The following CPPED1 variants were observed in gnomAD, a reference collection of about 807,000 sequenced individuals.
CPPED1 encodes the protein calcineurin like phosphoesterase domain containing 1.
Under a neutral mutation model 28.0 loss-of-function variants are expected in CPPED1, and 28 were observed. The ratio of observed to expected loss-of-function variants is 1.00; its 90% CI spans 0.74 to 1.37. CPPED1 has a LOEUF of 1.37. CPPED1 is among the 40% of genes most tolerant of loss of function. CPPED1 has a pLI of 0.00. For synonymous variants in CPPED1, 198 were observed against 180.2 expected (o/e 1.10, Z -0.79); for missense variants, 504 against 416.5 (o/e 1.21, Z -1.83).
intron 2 of CPPED1, among the ~76,000 whole-genome samples, chr16:12,765,443 G>C (rs1174636962): frequency 6.6e-6 from 1 of 152,180 alleles, no homozygotes; most frequent in Non-Finnish European, 1.5e-5. Flanking sequence ...ATTAATAAAA[G>C]AGATTTAACT....
chr16:12,681,724 G>A (rs1386442987), intron 3 of CPPED1, among the ~76,000 whole-genome samples: 2 of 152,184 alleles, frequency 1.3e-5, no homozygotes, highest in East Asian at 3.9e-4. Flanking sequence ...GATGGAAGAG[G>A]TTCAGTGGTC....
chr16:12,681,936 C>T (rs573697186), intron 3 of CPPED1, among the ~76,000 whole-genome samples: 45 of 152,170 alleles, frequency 3.0e-4, no homozygotes, highest in Admixed American at 1.8e-3. Flanking sequence ...TGGCTGCCCA[C>T]TTGAGTCCAC....
At chr16:12,692,328 G>A (rs9925794) in intron 3 of CPPED1, among the ~76,000 whole-genome samples, 22,225 of 152,116 alleles carry the variant, frequency 0.15, 1,816 homozygotes, top group Middle Eastern at 0.21. Context: ...TCCCACTCTG[G>A]CAACACTCGG....
At chr16:12,678,167 G>C (rs2079887303) in intron 3 of CPPED1, among the ~76,000 whole-genome samples, 1 of 152,186 alleles carries the variant, frequency 6.6e-6, no homozygotes. Flanking sequence ...AAAGGAAAGA[G>C]TAATTTGTAG....
chr16:12,664,019 T>C lies in CPPED1; in HGVS notation c.*867A>G, dbSNP rs1289297798. The C allele has an allele frequency of 6.6e-6, 1 of 152,156 alleles. No homozygotes were observed. Among genetic ancestry groups the C allele is most frequent in the African/African-American group, 2.4e-5 (1 of 41,424 alleles). The allele number at this position is 152,156 out of a possible 1,614,324, so 9.4% of individuals were successfully genotyped here. On this transcript the variant is annotated 3_prime_UTR_variant, in exon 4 of 4. Transcript: ENST00000381774. This position sits in a 1 kb window ranked among gnomAD's most constrained non-coding sequence, Gnocchi z 4.2. ...TTTCTTTTGAGAGCTCTGCATACAT[T>C]CCCACTTTTCCTGTCAAAGTGGACA...
chr16:12,705,135 TAA>T (rs2080043149), intron 2 of CPPED1, 86 bp from the exon 3 acceptor site: 1 of 1,366,440 alleles, frequency 7.3e-7, no homozygotes, highest in African/African-American at 1.5e-5. Context: ...ACATAAAATT[TAA>T]AAAAAGAGTA....
chr16:12,704,768 T>A lies in CPPED1; in HGVS notation c.571A>T (p.Ile191Phe). The change falls in exon 3 of 4, where the codon ATC (isoleucine) becomes TTC (phenylalanine). Residue 191 changes from isoleucine (I) to phenylalanine (F), a missense_variant. Physicochemically the swap from Ile to Phe is conservative, Grantham distance 21 (BLOSUM62 0). Coordinates refer to ENST00000381774, the MANE Select transcript of CPPED1 (RefSeq NM_018340.3). ...TGCTGGCAGTGCCGCTGCCTCGCGA[T>A]GCTCAGCTGCTCGTCCAGCCACTGG... ...QDQWLDEQLS[I>F]ARQRHCQHAI... is the part of the protein sequence containing the mutation. 1 of 1,614,230 alleles carries A rather than the reference T, an allele frequency of 6.2e-7. No individual in the cohort carries two copies. Among genetic ancestry groups the A allele is most frequent in the Non-Finnish European group, 8.5e-7 (1 of 1,180,034 alleles).
intron 2 of CPPED1, among the ~76,000 whole-genome samples, chr16:12,779,881 C>T (rs72780913): frequency 0.013 from 2,018 of 152,254 alleles, 30 homozygotes; most frequent in Non-Finnish European, 0.021. Context: ...GCTGTGTTTT[C>T]TGCAATGGTC....
chr16:12,714,560 G>C (rs1457068067), intron 2 of CPPED1, among the ~76,000 whole-genome samples: 1 of 152,128 alleles, frequency 6.6e-6, no homozygotes, highest in African/African-American at 2.4e-5. Context: ...ATTTGTTGTT[G>C]TGCTTACTGG....
At chr16:12,779,452 G>A (rs540100117) in intron 2 of CPPED1, among the ~76,000 whole-genome samples, 12 of 151,636 alleles carry the variant, frequency 7.9e-5, no homozygotes, top group South Asian at 4.2e-4. Flanking sequence ...GCAGTGGCGC[G>A]ATCTCAGCTC....
At position 12,781,359 on chromosome 16, in the gene CPPED1, C is replaced by T. The variant is rs375846379; in HGVS notation, c.115G>A (p.Ala39Thr). 39 of 1,613,954 alleles carry T rather than the reference C, an allele frequency of 2.4e-5. No homozygotes were observed. Among genetic ancestry groups the T allele is most frequent in the South Asian group, 9.9e-5 (9 of 91,074 alleles). Reference protein sequence around the residue: ...WKGPFYFILGADPQFGLIKAW... With the variant: ...WKGPFYFILGTDPQFGLIKAW... The stretch of plus-strand genomic sequence containing the variant: ...TTGATCAGCCCAAACTGTGGGTCTG[C>T]GCCCAGGATGAAGTAGAATGGGCCT... The change falls in exon 2 of 4, where the codon GCA (alanine) becomes ACA (threonine). Residue 39 changes from alanine to threonine, a missense_variant. Coordinates refer to ENST00000381774, the MANE Select transcript of CPPED1 (RefSeq NM_018340.3).
intron 1 of CPPED1, among the ~76,000 whole-genome samples, chr16:12,787,475 A>G (rs907037910): frequency 4.0e-5 from 6 of 148,198 alleles, no homozygotes; most frequent in Middle Eastern, 3.6e-3. Flanking sequence ...GCGTGGTCTC[A>G]GCTCACTGCA....
intron 2 of CPPED1, among the ~76,000 whole-genome samples, chr16:12,712,186 A>T (rs1364711790): frequency 6.6e-6 from 1 of 152,228 alleles, no homozygotes; most frequent in African/African-American, 2.4e-5. Flanking sequence ...GCCCTTGCAC[A>T]GAAAGGGAAG....
intron 2 of CPPED1, among the ~76,000 whole-genome samples, chr16:12,739,646 A>G (rs1185462067): frequency 6.6e-6 from 1 of 152,172 alleles, no homozygotes; most frequent in Non-Finnish European, 1.5e-5. Flanking sequence ...TGCTACGAGT[A>G]GGCTAACCTC....
intron 2 of CPPED1, among the ~76,000 whole-genome samples, chr16:12,777,842 T>A (rs1475760086): frequency 6.6e-6 from 1 of 151,302 alleles, no homozygotes; most frequent in Admixed American, 6.6e-5. Context: ...TAGATATTTA[T>A]AAGAAAAAGC....
intron 3 of CPPED1, among the ~76,000 whole-genome samples, chr16:12,700,689 G>A (rs1006094469): frequency 8.5e-5 from 13 of 152,192 alleles, no homozygotes; most frequent in Admixed American, 1.3e-4. Flanking sequence ...ACCACACCTG[G>A]CCCAAAGACT....
At chr16:12,702,234 G>A (rs1227400671) in intron 3 of CPPED1, among the ~76,000 whole-genome samples, 1 of 151,950 alleles carries the variant, frequency 6.6e-6, no homozygotes, top group Non-Finnish European at 1.5e-5. Flanking sequence ...TTGGTGGGTG[G>A]TCAACAGGCT....
chr16:12,669,580 G>T (rs1001125459), intron 3 of CPPED1, among the ~76,000 whole-genome samples: 1 of 152,168 alleles, frequency 6.6e-6, no homozygotes, highest in Non-Finnish European at 1.5e-5. Context: ...GATATCAGTG[G>T]TAATTCATGT....
chr16:12,766,993 A>G (rs564229180), intron 2 of CPPED1, among the ~76,000 whole-genome samples: 1 of 132,930 alleles, frequency 7.5e-6, no homozygotes, highest in East Asian at 2.1e-4. Flanking sequence ...ATGGTTGCTC[A>G]GAGGTCCTCA....
Sources: allele counts gnomAD v4.1 joint callset (sites outside exome capture counted in the v4.1 genomes callset), GRCh38; gene constraint gnomAD v4.1.1; non-coding constraint Gnocchi (gnomAD v3.1); transcripts MANE v1.5; gene names NCBI Gene and HGNC (gene_info 2026-07-23, HGNC 2026-07-21).